The following NCKAP5 variants were observed in gnomAD, a reference collection of about 807,000 sequenced individuals.
NCKAP5 encodes the protein NCK associated protein 5, also known as nck-associated protein 5.
In NCKAP5, 92 loss-of-function variants were observed where a neutral mutation model predicts 167.0. That is an observed-to-expected ratio of 0.55 (90% confidence interval 0.47 to 0.66). The LOEUF (loss-of-function observed/expected upper bound fraction) is 0.66. Ranked by LOEUF, NCKAP5 falls within the 30% of genes least tolerant of loss-of-function variation. The pLI is 0.00. For synonymous variants in NCKAP5, 891 were observed against 877.4 expected (o/e 1.02, Z -0.27); for missense variants, 2,378 against 2,315.0 (o/e 1.03, Z -0.56).
intron 11 of NCKAP5, among the ~76,000 whole-genome samples, chr2:132,825,141 A>C (rs1687035372): frequency 6.6e-6 from 1 of 152,224 alleles, no homozygotes; most frequent in Non-Finnish European, 1.5e-5. Context: ...AAGAGCAGTT[A>C]AGTGGACTTT....
At chr2:133,147,406 T>C (rs1017621550) in intron 5 of NCKAP5, among the ~76,000 whole-genome samples, 5 of 152,160 alleles carry the variant, frequency 3.3e-5, no homozygotes, top group Admixed American at 1.3e-4. Flanking sequence ...TTAAGGCTAC[T>C]GTGAGTGAGC....
chr2:133,627,222 A>G, the NCKAP5 span, among the ~76,000 whole-genome samples: 1 of 152,262 alleles, frequency 6.6e-6, no homozygotes, highest in Non-Finnish European at 1.5e-5. Flanking sequence ...GAAAAAAAAT[A>G]ACCTCAAGGA....
At chr2:133,007,612 G>T (rs2078012501) in intron 6 of NCKAP5, among the ~76,000 whole-genome samples, 1 of 152,152 alleles carries the variant, frequency 6.6e-6, no homozygotes, top group Non-Finnish European at 1.5e-5. Flanking sequence ...TCGGGTCTGA[G>T]CAGCAGGGTA....
intron 6 of NCKAP5, among the ~76,000 whole-genome samples, chr2:133,086,627 G>C (rs1211639696): frequency 6.6e-6 from 1 of 152,090 alleles, no homozygotes; most frequent in African/African-American, 2.4e-5. Context: ...GAGTGACAGA[G>C]CAAGACCTTA....
At chr2:133,451,972 C>A (rs1691579020) in intron 3 of NCKAP5, among the ~76,000 whole-genome samples, 1 of 152,080 alleles carries the variant, frequency 6.6e-6, no homozygotes, top group South Asian at 2.1e-4. Flanking sequence ...GTGCACTGCA[C>A]AAGAAAATTT....
intron 17 of NCKAP5, among the ~76,000 whole-genome samples, chr2:132,730,451 C>T (rs1690886106): frequency 6.6e-6 from 1 of 152,166 alleles, no homozygotes; most frequent in African/African-American, 2.4e-5. Flanking sequence ...GCCAGGATTG[C>T]ACCATTGCAC....
At chr2:133,130,206 T>C in intron 5 of NCKAP5, 95 bp from the exon 6 acceptor site, 1 of 1,370,770 alleles carries the variant, frequency 7.3e-7, no homozygotes, top group Non-Finnish European at 9.8e-7. Flanking sequence ...GCTTTATATA[T>C]ATGAATTTCA....
intron 15 of NCKAP5, among the ~76,000 whole-genome samples, chr2:132,778,928 C>T (rs537774562): frequency 6.6e-6 from 1 of 152,288 alleles, no homozygotes; most frequent in South Asian, 2.1e-4. Context: ...TAGCCCAATC[C>T]ATGCTGATGA....
At chr2:132,971,238 C>T (rs1404595582) in intron 7 of NCKAP5, among the ~76,000 whole-genome samples, 4 of 151,978 alleles carry the variant, frequency 2.6e-5, no homozygotes, top group South Asian at 2.1e-4. Context: ...GATAATAGAG[C>T]GATATAAATG....
intron 6 of NCKAP5, among the ~76,000 whole-genome samples, chr2:133,128,276 C>T (rs1354796362): frequency 2.6e-5 from 4 of 152,176 alleles, no homozygotes; most frequent in Non-Finnish European, 5.9e-5. Context: ...TGGATACTGC[C>T]TGGGATAATC....
chr2:133,340,077 C>T (rs1371745478), intron 3 of NCKAP5, among the ~76,000 whole-genome samples: 1 of 152,082 alleles, frequency 6.6e-6, no homozygotes, highest in Non-Finnish European at 1.5e-5. Context: ...TGATCCCTGG[C>T]CAGCAAATTA....
chr2:133,055,236 G>C (rs1306734105), intron 6 of NCKAP5, among the ~76,000 whole-genome samples: 1 of 151,840 alleles, frequency 6.6e-6, no homozygotes, highest in African/African-American at 2.4e-5. Context: ...AAATCTGAGT[G>C]AATCATCCAA....
chr2:133,485,790 G>A (rs373603301), intron 3 of NCKAP5, among the ~76,000 whole-genome samples: 2 of 152,058 alleles, frequency 1.3e-5, no homozygotes, highest in South Asian at 4.2e-4. Context: ...GGGTGGGGAG[G>A]AGGGTGTCAG....
At chr2:132,966,431 G>A (rs2076669508) in intron 7 of NCKAP5, among the ~76,000 whole-genome samples, 1 of 152,120 alleles carries the variant, frequency 6.6e-6, no homozygotes, top group East Asian at 1.9e-4. Context: ...AATAAGTCTT[G>A]ATGTCTTTGT....
At chr2:133,260,915 T>C (rs371788210) in intron 4 of NCKAP5, among the ~76,000 whole-genome samples, 3 of 152,140 alleles carry the variant, frequency 2.0e-5, no homozygotes, top group East Asian at 3.9e-4. Flanking sequence ...TGTGGGCATA[T>C]GTGTGAAACT....
At chr2:133,092,413 C>T (rs541692766) in intron 6 of NCKAP5, among the ~76,000 whole-genome samples, 1 of 152,134 alleles carries the variant, frequency 6.6e-6, no homozygotes, top group Non-Finnish European at 1.5e-5. Context: ...TTCCCTAGAG[C>T]CTTCTGAAGG....
intron 6 of NCKAP5, among the ~76,000 whole-genome samples, chr2:133,099,942 A>G (rs2081454829): frequency 6.6e-6 from 1 of 152,224 alleles, no homozygotes; most frequent in African/African-American, 2.4e-5. Flanking sequence ...TGTCTGTGAC[A>G]ATGATCTACG....
intron 3 of NCKAP5, among the ~76,000 whole-genome samples, chr2:133,446,901 G>T (rs952485085): frequency 4.6e-5 from 7 of 152,072 alleles, no homozygotes; most frequent in African/African-American, 1.4e-4. Context: ...TTTAGTGGGT[G>T]GGAAAGAGGA....
At chr2:133,624,354 TCCA>T in the NCKAP5 span, among the ~76,000 whole-genome samples, 1 of 152,138 alleles carries the variant, frequency 6.6e-6, no homozygotes, top group Admixed American at 6.5e-5. Context: ...CCACGGTCAC[TCCA>T]CCGAGTTCTG....
Sources: gnomAD v4.1 joint callset for allele counts (sites outside exome capture counted in the v4.1 genomes callset) on GRCh38, gnomAD v4.1.1 for gene constraint, MANE v1.5 for transcripts, NCBI Gene and HGNC (gene_info 2026-07-23, HGNC 2026-07-21) for gene names.